Variants in CDH26 observed in about 807,000 individuals in gnomAD.
CDH26 encodes the protein cadherin-like protein 26.
In CDH26, 83 loss-of-function variants were observed where a neutral mutation model predicts 90.3. The observed-to-expected ratio is 0.92, with a 90% CI of 0.77 to 1.10. The LOEUF (loss-of-function observed/expected upper bound fraction) is 1.10, where lower values mean the gene tolerates loss of function less well. Among genes scored for constraint, CDH26 ranks in the 50% least tolerant of loss-of-function variants. The pLI is 0.00. For synonymous variants in CDH26, 397 were observed against 396.3 expected, an observed-to-expected ratio of 1.00 and a Z score of -0.02; for missense variants, 1,013 against 1,037.6, an observed-to-expected ratio of 0.98 and a Z score of 0.33.
At chr20:60,031,275 C>T (rs1392676491) in exon 8 of CDH26, 4 of 1,269,372 alleles carry the variant, frequency 3.2e-6, no homozygotes, top group South Asian at 2.7e-5. Context: ...GCTGCATCAT[C>T]CCCCAGGGAA....
chr20:59,998,156 G>A (rs1220596248), intron 13 of CDH26, among the ~76,000 whole-genome samples: 1 of 152,230 alleles, frequency 6.6e-6, no homozygotes, highest in African/African-American at 2.4e-5. Context: ...TGTAACAGTA[G>A]AATTTCTTGC....
Position 59,987,651 on chromosome 20 carries a change from C to T in CDH26, c.1023+13C>T, listed in dbSNP as rs746088139. ...AAATGTTATCAAGGTAACACCATAC[C>T]GGTGACATACCAACCAGTTAGTGGC... On this transcript the variant is annotated intron_variant, in intron 8 of 17. Transcript: ENST00000348616. 8.2e-6 allele frequency: 13 copies of T among 1,590,876 alleles called. No homozygotes were observed. Among genetic ancestry groups the T allele is most frequent in the Admixed American group, 5.2e-5 (3 of 57,460 alleles).
intron 14 of CDH26, among the ~76,000 whole-genome samples, chr20:59,999,876 C>T (rs1034567277): frequency 5.9e-5 from 9 of 152,192 alleles, no homozygotes; most frequent in Admixed American, 2.6e-4. Context: ...TACTTTGCTG[C>T]GGTGTCAGAT....
intron 17 of CDH26, among the ~76,000 whole-genome samples, chr20:60,009,032 G>A (rs1370020584): frequency 6.6e-6 from 1 of 152,186 alleles, no homozygotes; most frequent in African/African-American, 2.4e-5. Flanking sequence ...TCTCTCCCGA[G>A]CCGACTGTAA....
At chr20:59,977,355 T>C (rs2061339157) in intron 4 of CDH26, among the ~76,000 whole-genome samples, 1 of 152,150 alleles carries the variant, frequency 6.6e-6, no homozygotes, top group Non-Finnish European at 1.5e-5. Context: ...TCCCACTCCC[T>C]TTTCTGCGAC....
intron 5 of CDH26, 23 bp downstream of exon 5, chr20:59,983,093 C>T (rs758870276): frequency 5.8e-5 from 93 of 1,609,880 alleles, no homozygotes; most frequent in Middle Eastern, 3.3e-4. Context: ...GGGGGGCTGC[C>T]GGGCTTCCTT....
chr20:60,000,697 CA>C (rs1209692614), intron 14 of CDH26, among the ~76,000 whole-genome samples: 2 of 152,168 alleles, frequency 1.3e-5, no homozygotes, highest in Non-Finnish European at 2.9e-5. Flanking sequence ...CCAAAGCCTC[CA>C]CCTTCTAGGT....
At chr20:59,970,954 G>A (rs538835397) in intron 3 of CDH26, among the ~76,000 whole-genome samples, 8 of 152,176 alleles carry the variant, frequency 5.3e-5, no homozygotes, top group African/African-American at 1.9e-4. Context: ...CAATTAGGCG[G>A]GGCTTGAGTT....
At chr20:59,994,185 T>C (rs2061562031) in intron 10 of CDH26, 65 bp from the exon 11 acceptor site, 6 of 1,584,576 alleles carry the variant, frequency 3.8e-6, no homozygotes, top group South Asian at 1.1e-5. Flanking sequence ...AGACGGAGAG[T>C]GCTCATTCTC....
chr20:60,008,372 A>G (rs2061782447), intron 17 of CDH26, among the ~76,000 whole-genome samples: 3 of 152,140 alleles, frequency 2.0e-5, no homozygotes, highest in South Asian at 2.1e-4. Context: ...AAGTTGGGTA[A>G]TGTGTCCAAG....
intron 1 of CDH26, among the ~76,000 whole-genome samples, chr20:59,966,820 G>T (rs2061155201): frequency 6.6e-6 from 1 of 152,114 alleles, no homozygotes; most frequent in African/African-American, 2.4e-5. Flanking sequence ...AGCATTTTTG[G>T]TAATGAAAAA....
At chr20:59,997,802 T>G (rs1037446153) in intron 13 of CDH26, among the ~76,000 whole-genome samples, 1 of 152,254 alleles carries the variant, frequency 6.6e-6, no homozygotes, top group Admixed American at 6.5e-5. Context: ...GGAAAAGATA[T>G]TCCAATGAAC....
chr20:59,988,923 G>A lies in CDH26; in HGVS notation c.1043G>A (p.Arg348His), dbSNP rs148034325. ...TTCCAGCCTTTGGATTATGAGACTC[G>A]CCCAGCGCAAAGCCTCATCATTGTC... ...NVIKPLDYET[R>H]PAQSLIIVVE... Residue 348 changes from arginine (R) to histidine (H), a missense_variant, in exon 9 of 18, where the codon CGC (arginine) becomes CAC (histidine). Arg to His is a conservative substitution (Grantham distance 29, BLOSUM62 0). Transcript: ENST00000348616. 3.1e-6 allele frequency: 5 copies of A among 1,614,082 alleles called. No individual in the cohort carries two copies. The highest frequency in any genetic ancestry group is 1.3e-5 in the African/African-American group (1 of 75,026).
chr20:60,031,167 T>G, intron 7 of CDH26: 1 of 1,044,760 alleles, frequency 9.6e-7, no homozygotes, highest in Non-Finnish European at 1.2e-6. Flanking sequence ...GCAGTGGGGA[T>G]GAACTGGAAG....
At chr20:60,014,871 C>A (rs547282401), downstream of CDH26, among the ~76,000 whole-genome samples, 10 of 152,296 alleles carry the variant, frequency 6.6e-5, no homozygotes, top group Admixed American at 1.3e-4. Flanking sequence ...TTTGAGGAAC[C>A]TCCATACTCT....
In CDH26 at chr20:60,012,750, A is replaced by G; in HGVS notation, c.*20A>G. 1.2e-6 allele frequency: 2 copies of G among 1,606,010 alleles called. No homozygotes were observed. Among genetic ancestry groups the G allele is most frequent in the Middle Eastern group, 1.7e-4 (1 of 6,016 alleles). On this transcript the variant is annotated 3_prime_UTR_variant, in exon 18 of 18. Coordinates refer to ENST00000348616, the MANE Select transcript of CDH26 (RefSeq NM_177980.4). ...TCCTAAAAAAAAAAGTCTATTTTGG[A>G]GAATTGAAATAATTCATGGAAGGGA... is the stretch of plus-strand genomic sequence containing the variant.
chr20:59,996,568 C>T (rs1340975821), intron 12 of CDH26, 63 bp from the exon 13 acceptor site: 1 of 1,614,114 alleles, frequency 6.2e-7, no homozygotes, highest in Non-Finnish European at 8.5e-7. Context: ...GAACAAGATC[C>T]TCATGAAACC....
intron 7 of CDH26, among the ~76,000 whole-genome samples, chr20:60,028,491 G>C (rs567586339): frequency 3.9e-5 from 6 of 152,142 alleles, no homozygotes; most frequent in Non-Finnish European, 8.8e-5. Flanking sequence ...AAGCATTTAC[G>C]TGCCAGTCCC....
intron 16 of CDH26, among the ~76,000 whole-genome samples, chr20:60,003,801 C>A (rs1206936566): frequency 6.6e-6 from 1 of 152,122 alleles, no homozygotes; most frequent in African/African-American, 2.4e-5. Flanking sequence ...TAGAGTTAAA[C>A]CAGTGGCTAA....
Sources: gnomAD v4.1 joint callset for allele counts (sites outside exome capture counted in the v4.1 genomes callset) on GRCh38, gnomAD v4.1.1 for gene constraint, MANE v1.5 for transcripts, NCBI Gene and HGNC (gene_info 2026-07-23, HGNC 2026-07-21) for gene names.